Variants in TMCC1 observed in about 807,000 individuals in gnomAD.
The protein encoded by TMCC1 is transmembrane and coiled-coil domain family 1, also known as transmembrane and coiled-coil domains protein 1.
A neutral mutation model predicts 52.4 loss-of-function variants in TMCC1; 15 were observed. That is an observed-to-expected ratio of 0.29 (90% CI 0.19 to 0.44). The LOEUF (loss-of-function observed/expected upper bound fraction) is 0.44. Ranked by LOEUF, TMCC1 falls within the 20% of genes least tolerant of loss-of-function variation. TMCC1 has a pLI of 1.00. For missense variants in TMCC1, 503 were observed against 806.0 expected, an observed-to-expected ratio of 0.62 and a Z score of 4.55; for synonymous variants, 279 against 301.9, an observed-to-expected ratio of 0.92 and a Z score of 0.79.
intron 4 of TMCC1, among the ~76,000 whole-genome samples, chr3:129,737,016 A>G (rs1479832639): frequency 6.6e-6 from 1 of 152,226 alleles, no homozygotes; most frequent in East Asian, 1.9e-4. Context: ...AGTAAATTAC[A>G]TATGATCCTC....
chr3:129,880,433 AAG>A lies in TMCC1; in HGVS notation c.-310_-309del, dbSNP rs2061408766. On this transcript the variant is annotated 5_prime_UTR_variant, in exon 2 of 7. The change creates a premature stop within an existing upstream ORF in the 5' untranslated region. Transcript: ENST00000393238. ...ATAGAAACAGAAGATCCATATGAAA[AAG>A]AGATCCAATCTGGGAGGATGGACAC... is the stretch of plus-strand genomic sequence containing the variant. The A allele has an allele frequency of 6.6e-6, 1 of 152,198 alleles. No individual in the cohort carries two copies. The highest frequency in any genetic ancestry group is 1.5e-5 in the Non-Finnish European group (1 of 68,046). 9.4% of individuals were successfully genotyped at this position (152,198 alleles called of 1,614,324 possible).
rs1227903982 is a variant in TMCC1 at position 129,670,564 on chromosome 3, GCA to G, written c.1275_1276del (p.Ala426HisfsTer34). ...GTTGGCTCCCACTGAGCCTGAAGTG[GCA>G]CTAGAACAATCTTCTTCACTACCAT... On this transcript the variant is annotated frameshift_variant, in exon 5 of 7. Coordinates refer to ENST00000393238, the MANE Select transcript of TMCC1 (RefSeq NM_001017395.5). LOFTEE classifies it high-confidence loss of function. 1 of 1,614,164 alleles carries G rather than the reference GCA, an allele frequency of 6.2e-7. No individual in the cohort carries two copies. Among genetic ancestry groups the G allele is most frequent in the South Asian group, 1.1e-5 (1 of 91,086 alleles).
Position 129,830,449 on chromosome 3 carries a change from T to C in TMCC1, c.-130-1941A>G, listed in dbSNP as rs183654068. Among the ~76,000 whole-genome samples the C allele has an allele frequency of 1.1e-3, 166 of 152,350 alleles. 1 individual carries two copies. The highest frequency in any genetic ancestry group is 3.6e-3 in the African/African-American group (151 of 41,574). ...GTTTGTCTTGCTGGCTAATAGTTACTGAAAGAATTGAGTTTCTCAGAGGAA... is the reference window on the plus strand; with the variant it reads ...GTTTGTCTTGCTGGCTAATAGTTACCGAAAGAATTGAGTTTCTCAGAGGAA... On this transcript the variant is annotated intron_variant, in intron 3 of 6. Coordinates refer to ENST00000393238, the MANE Select transcript of TMCC1 (RefSeq NM_001017395.5).
chr3:129,708,850 C>A (rs2048436295), intron 4 of TMCC1, among the ~76,000 whole-genome samples: 1 of 152,066 alleles, frequency 6.6e-6, no homozygotes, highest in South Asian at 2.1e-4. Context: ...TCCGGCATAC[C>A]CTATGTCTTC....
intron 4 of TMCC1, among the ~76,000 whole-genome samples, chr3:129,816,952 C>G (rs1337683621): frequency 6.6e-6 from 1 of 151,982 alleles, no homozygotes; most frequent in East Asian, 1.9e-4. Flanking sequence ...TTGCTTGAGC[C>G]AGGAATTTGA....
intron 4 of TMCC1, chr3:129,794,267 C>A (rs1023714485): frequency 2.2e-6 from 1 of 455,462 alleles, no homozygotes; most frequent in African/African-American, 2.0e-5. Context: ...GAAAAAGGAA[C>A]CATGCTGAAG....
At chr3:129,879,714 C>G (rs2061377488) in intron 2 of TMCC1, among the ~76,000 whole-genome samples, 1 of 152,160 alleles carries the variant, frequency 6.6e-6, no homozygotes, top group Non-Finnish European at 1.5e-5. Context: ...GTTCAAAACT[C>G]TACAATATCA....
At chr3:129,762,806 T>C (rs2053721701) in intron 4 of TMCC1, among the ~76,000 whole-genome samples, 1 of 151,780 alleles carries the variant, frequency 6.6e-6, no homozygotes. Flanking sequence ...AATATAAATA[T>C]ATTAGAAATA....
At chr3:129,872,235 C>G (rs746614356) in intron 2 of TMCC1, among the ~76,000 whole-genome samples, 28 of 152,120 alleles carry the variant, frequency 1.8e-4, no homozygotes, top group Non-Finnish European at 2.9e-5. Flanking sequence ...GGCAATATGG[C>G]TATCATATTC....
intron 4 of TMCC1, among the ~76,000 whole-genome samples, chr3:129,712,954 G>C (rs1485213670): frequency 6.6e-6 from 1 of 151,940 alleles, no homozygotes; most frequent in Non-Finnish European, 1.5e-5. Context: ...TCTCCAATAT[G>C]AATCTTCATT....
At position 129,651,894 on chromosome 3, in the gene TMCC1, C is replaced by T; in HGVS notation, c.1648-99G>A. ...AAGCCAGATGCATCTTGAGCAATGC[C>T]AATGATTTTATAAATATGCTGGAGC... On this transcript the variant is annotated intron_variant, in intron 6 of 6. Coordinates refer to ENST00000393238, the MANE Select transcript of TMCC1 (RefSeq NM_001017395.5). The surrounding 1 kb of genome is among the most constrained non-coding windows in gnomAD (Gnocchi z 5.1). The T allele has an allele frequency of 7.9e-7, 1 of 1,262,204 alleles. No individual in the cohort carries two copies. Among genetic ancestry groups the T allele is most frequent in the African/African-American group, 1.5e-5 (1 of 66,214 alleles). The allele number at this position is 1,262,204 out of a possible 1,614,324, so 78.2% of individuals were successfully genotyped here.
intron 4 of TMCC1, among the ~76,000 whole-genome samples, chr3:129,701,348 C>G (rs1560219358): frequency 2.0e-5 from 3 of 152,210 alleles, no homozygotes; most frequent in Non-Finnish European, 4.4e-5. Flanking sequence ...TCTCACCTGG[C>G]AATCACACTT....
intron 5 of TMCC1, among the ~76,000 whole-genome samples, chr3:129,665,886 C>T (rs567200440): frequency 2.8e-4 from 43 of 152,260 alleles, no homozygotes; most frequent in African/African-American, 9.9e-4. Flanking sequence ...GGCAAATGTA[C>T]GTAAAACATC....
intron 2 of TMCC1, among the ~76,000 whole-genome samples, chr3:129,852,588 CA>C (rs1188330588): frequency 6.7e-6 from 1 of 150,320 alleles, no homozygotes; most frequent in Non-Finnish European, 1.5e-5. Flanking sequence ...TTTGGTTTTA[CA>C]AGACAAAAAG....
intron 2 of TMCC1, among the ~76,000 whole-genome samples, chr3:129,849,326 G>A (rs1691047445): frequency 6.6e-6 from 1 of 152,134 alleles, no homozygotes. Flanking sequence ...TGGGCCTGGT[G>A]ACTCATGCCT....
rs2086316556 is a variant in TMCC1 at position 129,651,482 on chromosome 3, C to T, written c.1961G>A (p.Ter654=). 6.2e-7 allele frequency: 1 copy of T among 1,612,500 alleles called. No individual in the cohort carries two copies. Among genetic ancestry groups the T allele is most frequent in the South Asian group, 1.1e-5 (1 of 90,918 alleles). Residue 654 remains the stop codon, a stop_retained_variant, in exon 7 of 7, where the codon TGA becomes TAA. Transcript: ENST00000393238. The surrounding 1 kb of genome is among the most constrained non-coding windows in gnomAD (Gnocchi z 5.1). ...GGAACAATGCCTTCTGTGCCAGCAT[C>T]ATCTAGGGGATGAAAAGAACCGTTC... is the stretch of plus-strand genomic sequence containing the variant. ...YVERFFSSPR[*] is the part of the protein sequence containing the mutation.
intron 4 of TMCC1, among the ~76,000 whole-genome samples, chr3:129,799,298 C>A (rs536702246): frequency 1.3e-5 from 2 of 152,094 alleles, no homozygotes; most frequent in Non-Finnish European, 2.9e-5. Flanking sequence ...GCGTTACCTG[C>A]AGTAAATGCA....
rs189179890 is a variant in TMCC1 at position 129,673,553 on chromosome 3, A to C, written c.577-2289T>G. Among the ~76,000 whole-genome samples the C allele has an allele frequency of 8.5e-5, 13 of 152,288 alleles. No individual in the cohort carries two copies. The East Asian group carries it at 2.5e-3, about 29-fold the overall frequency. ...AATATTTACATGCAATCTGTAGACT[A>C]AAGAAGTGTAGCTATGGCCAGGCAC... On this transcript the variant is annotated intron_variant, in intron 4 of 6. Transcript: ENST00000393238.
intron 6 of TMCC1, among the ~76,000 whole-genome samples, chr3:129,652,302 CTAAAAA>C (rs1235364950): frequency 6.6e-6 from 1 of 152,036 alleles, no homozygotes; most frequent in Non-Finnish European, 1.5e-5. Context: ...TATCTGTAAA[CTAAAAA>C]TAAAATCCTA....
Sources: gnomAD v4.1 joint callset for allele counts (sites outside exome capture counted in the v4.1 genomes callset) on GRCh38, gnomAD v4.1.1 for gene constraint, Gnocchi (gnomAD v3.1) non-coding constraint, MANE v1.5 for transcripts, NCBI Gene and HGNC (gene_info 2026-07-23, HGNC 2026-07-21) for gene names.